Variants in USP31 observed in about 807,000 individuals in gnomAD.
USP31 encodes ubiquitin carboxyl-terminal hydrolase 31.
In USP31, 44 loss-of-function variants were observed where a neutral mutation model predicts 119.4. The observed-to-expected ratio is 0.37, with a 90% CI of 0.29 to 0.47. The LOEUF (loss-of-function observed/expected upper bound fraction) is 0.47. Among genes scored for constraint, USP31 ranks in the 20% least tolerant of loss-of-function variants. The probability of loss-of-function intolerance (pLI) is 0.99; values close to 1 mark genes in which losing one functional copy is unlikely to be tolerated. For synonymous variants in USP31, 749 were observed against 705.6 expected, an observed-to-expected ratio of 1.06 and a Z score of -0.97; for missense variants, 1,643 against 1,730.2, an observed-to-expected ratio of 0.95 and a Z score of 0.89.
Position 23,129,242 on chromosome 16 carries a change from A to G in USP31, c.633+19396T>C, listed in dbSNP as rs889639488. 2.0e-5 allele frequency among the ~76,000 whole-genome samples: 3 copies of G among 152,156 alleles called. No homozygotes were observed. In the East Asian group the frequency reaches 5.8e-4, roughly 29 times the overall value. On this transcript the variant is annotated intron_variant, in intron 1 of 15. Transcript: ENST00000219689. ...GAAAAATAAAATAAATGAGAGAGAG[A>G]GGTTGTGAGCGACAACAGATGTATC...
chr16:23,136,319 A>G (rs1040948735), intron 1 of USP31, among the ~76,000 whole-genome samples: 2 of 152,202 alleles, frequency 1.3e-5, no homozygotes, highest in African/African-American at 4.8e-5. Context: ...ACAAAAGCAC[A>G]GGCAACAAAA....
chr16:23,106,111 C>A (rs1025459758), intron 4 of USP31, 102 bp downstream of exon 4: 3 of 1,253,532 alleles, frequency 2.4e-6, no homozygotes, highest in East Asian at 4.7e-5. Context: ...ATTATTAATC[C>A]CATTACCTGT....
chr16:23,144,594 C>T (rs1414946368), intron 1 of USP31, among the ~76,000 whole-genome samples: 1 of 152,070 alleles, frequency 6.6e-6, no homozygotes, highest in Non-Finnish European at 1.5e-5. Context: ...ATTCTCGTGC[C>T]TCAGCCTCCC....
chr16:23,105,653 G>C, intron 4 of USP31, 77 bp from the exon 5 acceptor site: 1 of 1,389,454 alleles, frequency 7.2e-7, no homozygotes, highest in Non-Finnish European at 9.4e-7. Flanking sequence ...ATAAACCTGA[G>C]ACGAAATCAA....
chr16:23,134,874 T>C (rs1365154581), intron 1 of USP31, among the ~76,000 whole-genome samples: 2 of 136,466 alleles, frequency 1.5e-5, no homozygotes, highest in African/African-American at 5.5e-5. Flanking sequence ...TACCAAATGT[T>C]TAAAGTTGTT....
chr16:23,079,352 A>C (rs1044321077), intron 13 of USP31: 1 of 152,202 alleles, frequency 6.6e-6, no homozygotes, highest in African/African-American at 2.4e-5. Flanking sequence ...TATAAATGAC[A>C]AGGTCAATTT....
intron 1 of USP31, among the ~76,000 whole-genome samples, chr16:23,115,502 T>A (rs1284890174): frequency 6.6e-6 from 1 of 151,878 alleles, no homozygotes; most frequent in Non-Finnish European, 1.5e-5. Flanking sequence ...TTAAAATAAA[T>A]AAAAAGAAAA....
chr16:23,148,720 C>A lies in USP31; in HGVS notation c.551G>T (p.Gly184Val). ...GTGCGCCAGCTGCTCAGTGACCTCGCCCTGGCCCTGCGCGCCGCGGCCCGC... is the reference window on the plus strand; with the variant it reads ...GTGCGCCAGCTGCTCAGTGACCTCGACCTGGCCCTGCGCGCCGCGGCCCGC... ...QPAGRGAQGQGEVTEQLAHLV... is the reference protein window; with the variant it reads ...QPAGRGAQGQVEVTEQLAHLV... Residue 184 changes from glycine (G) to valine (V), a missense_variant, in exon 1 of 16, where the codon GGC becomes GTC. This residue lies in a region of USP31 where 302 missense variants were observed against 262.6 expected (regional missense o/e 1.15). Coordinates refer to ENST00000219689, the MANE Select transcript of USP31 (RefSeq NM_020718.4). 1 of 1,482,702 alleles carries A rather than the reference C, an allele frequency of 6.7e-7. No homozygotes were observed. The highest frequency in any genetic ancestry group is 8.9e-7 in the Non-Finnish European group (1 of 1,119,524). The allele number at this position is 1,482,702 out of a possible 1,614,324, so 91.8% of individuals were successfully genotyped here.
chr16:23,127,802 T>A (rs985901808), intron 1 of USP31, among the ~76,000 whole-genome samples: 3 of 152,114 alleles, frequency 2.0e-5, no homozygotes, highest in Middle Eastern at 3.2e-3. Context: ...TAACTATATA[T>A]CCAGTGATGA....
chr16:23,083,597 A>C (rs1291559340), intron 11 of USP31, among the ~76,000 whole-genome samples: 1 of 140,984 alleles, frequency 7.1e-6, no homozygotes, highest in African/African-American at 2.6e-5. Context: ...AAAGTCATTA[A>C]AAAAAAAAAA....
chr16:23,069,635 A>T lies in USP31; in HGVS notation c.2489-19T>A. 2 of 1,580,534 alleles carry T rather than the reference A, an allele frequency of 1.3e-6. No individual in the cohort carries two copies. Among genetic ancestry groups the T allele is most frequent in the Non-Finnish European group, 1.7e-6 (2 of 1,160,402 alleles). On this transcript the variant is annotated intron_variant, in intron 15 of 15. Transcript: ENST00000219689. ...AAGCCTCCTGAACACAGTAAAGAGA[A>T]TACTGTTAAGTTAAGCCAATGAAGA...
rs1901039828 is a variant in USP31, at chr16:23,084,904, A to G, written c.1786T>C (p.Cys596Arg). The change falls in exon 11 of 16, where the codon TGC (cysteine) becomes CGC (arginine). Residue 596 changes from cysteine (C) to arginine (R), a missense_variant. Around this residue, in one of 5 missense-constraint regions of USP31, gnomAD observed 279 missense variants for 372.2 expected, o/e 0.75. Coordinates refer to ENST00000219689, the MANE Select transcript of USP31 (RefSeq NM_020718.4). ...AGTTGGAAACACTGGGATAAAGTGC[A>G]GGTTTGAGGCTGATGATGACGCTCC... is the stretch of plus-strand genomic sequence containing the variant. Reference protein sequence around the residue: ...QRERHHQPQTCTLSQCFQLYT... With the variant: ...QRERHHQPQTRTLSQCFQLYT... 6.2e-7 allele frequency: 1 copy of G among 1,614,000 alleles called. No homozygotes were observed. Among genetic ancestry groups the G allele is most frequent in the African/African-American group, 1.3e-5 (1 of 74,916 alleles).
intron 6 of USP31, among the ~76,000 whole-genome samples, chr16:23,098,825 G>A (rs1901727580): frequency 6.6e-6 from 1 of 152,140 alleles, no homozygotes. Flanking sequence ...ATTAATCCAA[G>A]GTGGATTAAA....
chr16:23,083,039 C>A (rs1305581735), intron 11 of USP31, among the ~76,000 whole-genome samples: 2 of 151,992 alleles, frequency 1.3e-5, no homozygotes, highest in East Asian at 3.9e-4. Context: ...CCATGCTGCC[C>A]AGGTGCTCTT....
chr16:23,098,801 C>T (rs997025332), intron 6 of USP31, among the ~76,000 whole-genome samples: 4 of 152,170 alleles, frequency 2.6e-5, no homozygotes, highest in East Asian at 3.9e-4. Context: ...CTCTTCCTTA[C>T]ACCTTATACA....
At chr16:23,113,210 T>G (rs566862082) in intron 1 of USP31, among the ~76,000 whole-genome samples, 2 of 152,122 alleles carry the variant, frequency 1.3e-5, no homozygotes, top group South Asian at 4.2e-4. Context: ...GAGGAAGAGA[T>G]TAGGGGACCA....
In USP31 at chr16:23,072,041, C is replaced by T. The variant is rs1900367811; in HGVS notation, c.2488+4G>A. On this transcript the variant is annotated splice_donor_region_variant and intron_variant, in intron 15 of 15. Transcript: ENST00000219689. ...GGAAATTTGTCACCAAAACCCACAC[C>T]CACCATCATCTTCACTCCTTTCTCC... The T allele has an allele frequency of 6.2e-7, 1 of 1,607,928 alleles. No homozygotes were observed. The highest frequency in any genetic ancestry group is 8.5e-7 in the Non-Finnish European group (1 of 1,175,816).
intron 1 of USP31, among the ~76,000 whole-genome samples, chr16:23,137,650 C>T (rs554553745): frequency 3.3e-5 from 5 of 150,516 alleles, no homozygotes; most frequent in South Asian, 4.2e-4. Flanking sequence ...ATAACACATG[C>T]GACATAATAT....
At chr16:23,087,212 A>G (rs1193805876) in intron 8 of USP31, 26 bp from the exon 9 acceptor site, 1 of 1,601,514 alleles carries the variant, frequency 6.2e-7, no homozygotes, top group African/African-American at 1.3e-5. Flanking sequence ...GATGAGAATT[A>G]AGCCAAATTT....
Sources: gnomAD v4.1 joint callset for allele counts (sites outside exome capture counted in the v4.1 genomes callset) on GRCh38, gnomAD v4.1.1 for gene constraint, gnomAD v4.1.1 regional missense constraint, MANE v1.5 for transcripts, NCBI Gene and HGNC (gene_info 2026-07-23, HGNC 2026-07-21) for gene names.